The following FSIP1 variants were observed in gnomAD, a reference collection of about 807,000 sequenced individuals.
The protein encoded by FSIP1 is fibrous sheath-interacting protein 1.
Under a neutral mutation model 60.9 loss-of-function variants are expected in FSIP1, and 65 were observed. That is an observed-to-expected ratio of 1.07 (90% confidence interval 0.87 to 1.31). FSIP1 has a LOEUF of 1.31. FSIP1 is among the 40% of genes most tolerant of loss of function. The pLI, the probability that FSIP1 is intolerant of heterozygous loss-of-function variation, is 0.00. For synonymous variants in FSIP1, 209 were observed against 221.2 expected, an observed-to-expected ratio of 0.94 and a Z score of 0.49; for missense variants, 675 against 665.5, an observed-to-expected ratio of 1.01 and a Z score of -0.16.
chr15:39,670,968 G>GA (rs1480051542), intron 10 of FSIP1, among the ~76,000 whole-genome samples: 1 of 152,138 alleles, frequency 6.6e-6, no homozygotes, highest in East Asian at 1.9e-4. Flanking sequence ...GAGGGAGGCT[G>GA]AAAAAATAAC....
intron 10 of FSIP1, among the ~76,000 whole-genome samples, chr15:39,639,426 C>T (rs189747310): frequency 8.5e-5 from 13 of 152,096 alleles, no homozygotes; most frequent in Admixed American, 3.3e-4. Context: ...GTAATTGAAA[C>T]AAACAATTTT....
intron 5 of FSIP1, among the ~76,000 whole-genome samples, chr15:39,759,958 T>G (rs1897436850): frequency 6.6e-6 from 1 of 152,166 alleles, no homozygotes; most frequent in Non-Finnish European, 1.5e-5. Context: ...TCACAGGCTC[T>G]AGGGATTTGA....
intron 10 of FSIP1, among the ~76,000 whole-genome samples, chr15:39,698,887 T>C (rs1459451685): frequency 6.6e-6 from 1 of 152,226 alleles, no homozygotes; most frequent in Non-Finnish European, 1.5e-5. Flanking sequence ...AGAAACCCAA[T>C]GACCTGCCTG....
At chr15:39,744,620 T>C (rs1896923924) in intron 5 of FSIP1, among the ~76,000 whole-genome samples, 1 of 152,082 alleles carries the variant, frequency 6.6e-6, no homozygotes, top group African/African-American at 2.4e-5. Context: ...CACCTGGAAC[T>C]GAGGGGAGAC....
chr15:39,706,341 C>T (rs1895268857), intron 10 of FSIP1, among the ~76,000 whole-genome samples: 1 of 152,204 alleles, frequency 6.6e-6, no homozygotes, highest in African/African-American at 2.4e-5. Flanking sequence ...CTGTCCCAAT[C>T]TTTACACCAC....
chr15:39,722,965 C>G (rs532271095), intron 9 of FSIP1, among the ~76,000 whole-genome samples: 1 of 152,076 alleles, frequency 6.6e-6, no homozygotes, highest in Admixed American at 6.5e-5. Flanking sequence ...ATGGCACCTG[C>G]CTGTGCTGTC....
intron 5 of FSIP1, among the ~76,000 whole-genome samples, chr15:39,742,499 C>T (rs1477562003): frequency 6.6e-6 from 1 of 152,180 alleles, no homozygotes; most frequent in Non-Finnish European, 1.5e-5. Flanking sequence ...CTAATTCGGA[C>T]ACTGTATATT....
At chr15:39,743,204 C>A (rs1378606847) in intron 5 of FSIP1, among the ~76,000 whole-genome samples, 2 of 152,106 alleles carry the variant, frequency 1.3e-5, no homozygotes, top group South Asian at 2.1e-4. Context: ...ATATGGAAAA[C>A]CCTCACAGGT....
chr15:39,622,589 T>G (rs1039663454), intron 10 of FSIP1, among the ~76,000 whole-genome samples: 1 of 152,250 alleles, frequency 6.6e-6, no homozygotes, highest in Non-Finnish European at 1.5e-5. Flanking sequence ...CTAGGCATAA[T>G]ACATGTATTG....
chr15:39,780,163 G>A (rs1179269357), intron 1 of FSIP1, among the ~76,000 whole-genome samples: 1 of 152,012 alleles, frequency 6.6e-6, no homozygotes, highest in Non-Finnish European at 1.5e-5. Context: ...TATACCCATC[G>A]ACTCCTCCCC....
At chr15:39,638,837 T>A (rs949473033) in intron 10 of FSIP1, among the ~76,000 whole-genome samples, 3 of 151,960 alleles carry the variant, frequency 2.0e-5, no homozygotes, top group African/African-American at 7.3e-5. Context: ...CGCGTGTGTG[T>A]GTGCATGTGT....
At chr15:39,780,237 A>G (rs572579786) in intron 1 of FSIP1, among the ~76,000 whole-genome samples, 16 of 152,244 alleles carry the variant, frequency 1.1e-4, no homozygotes, top group African/African-American at 3.9e-4. Context: ...TTAACAATCA[A>G]TTTTGGCCAG....
chr15:39,698,576 T>C (rs1894920224), intron 10 of FSIP1, among the ~76,000 whole-genome samples: 1 of 152,242 alleles, frequency 6.6e-6, no homozygotes, highest in South Asian at 2.1e-4. Flanking sequence ...AGCTCTACTT[T>C]AATCTGAGCA....
intron 10 of FSIP1, among the ~76,000 whole-genome samples, chr15:39,656,845 C>T (rs1893091050): frequency 6.6e-6 from 1 of 152,190 alleles, no homozygotes; most frequent in African/African-American, 2.4e-5. Context: ...TTCTTAACTA[C>T]TCAAACTCAG....
chr15:39,648,829 T>A lies in FSIP1; in HGVS notation c.1189-30584A>T, dbSNP rs745536076. 1.0e-3 allele frequency among the ~76,000 whole-genome samples: 158 copies of A among 152,272 alleles called. 3 individuals are homozygous for A. The highest frequency in any genetic ancestry group is 4.1e-4 in the Non-Finnish European group (28 of 68,024). On this transcript the variant is annotated intron_variant, in intron 10 of 11. Transcript: ENST00000350221. ...TTTTAAAGATGACCCCTTCAAATAA[T>A]CTGAGCATTCAAGCCACCAAGTAAT...
intron 6 of FSIP1, 122 bp downstream of exon 6, chr15:39,741,683 C>T (rs1420637173): frequency 1.8e-6 from 1 of 566,090 alleles, no homozygotes; most frequent in African/African-American, 1.9e-5. Context: ...TCATCTTGAA[C>T]TCTACTTGCT....
At chr15:39,644,814 C>T (rs953010594) in intron 10 of FSIP1, among the ~76,000 whole-genome samples, 4 of 151,974 alleles carry the variant, frequency 2.6e-5, no homozygotes, top group South Asian at 2.1e-4. Context: ...ATTCCAAGGC[C>T]GGCTGCCATC....
At chr15:39,663,223 G>C (rs1302365911) in intron 10 of FSIP1, among the ~76,000 whole-genome samples, 5 of 151,956 alleles carry the variant, frequency 3.3e-5, no homozygotes, top group Admixed American at 2.0e-4. Context: ...AAAACGAGTA[G>C]CGCACATTAT....
At chr15:39,616,640 T>C (rs139528639) in intron 11 of FSIP1, among the ~76,000 whole-genome samples, 7 of 152,284 alleles carry the variant, frequency 4.6e-5, no homozygotes, top group African/African-American at 1.7e-4. Context: ...GGTGACTACT[T>C]AGAGATTGAT....
Sources: gnomAD v4.1 joint callset for allele counts (sites outside exome capture counted in the v4.1 genomes callset) on GRCh38, gnomAD v4.1.1 for gene constraint, MANE v1.5 for transcripts, NCBI Gene and HGNC (gene_info 2026-07-23, HGNC 2026-07-21) for gene names.